Variants in CTIF observed in about 807,000 individuals in gnomAD.
The protein encoded by CTIF is CBP80/20-dependent translation initiation factor.
In CTIF, 21 loss-of-function variants were observed where a neutral mutation model predicts 66.0. The ratio of observed to expected loss-of-function variants is 0.32; its 90% CI spans 0.23 to 0.46. CTIF has a LOEUF of 0.46. Ranked by LOEUF, CTIF falls within the 20% of genes least tolerant of loss-of-function variation. The pLI, the probability that CTIF is intolerant of heterozygous loss-of-function variation, is 1.00. For missense variants in CTIF, 739 were observed against 812.7 expected (o/e 0.91, Z 1.10); for synonymous variants, 345 against 326.4 (o/e 1.06, Z -0.62).
chr18:48,785,411 G>A (rs112127352), intron 9 of CTIF, among the ~76,000 whole-genome samples: 163 of 152,282 alleles, frequency 1.1e-3, no homozygotes, highest in African/African-American at 3.3e-3. Flanking sequence ...CCACCACTGC[G>A]GCCTGCACTG....
intron 1 of CTIF, chr18:48,565,358 G>C (rs1442975260): frequency 3.3e-5 from 5 of 152,140 alleles, no homozygotes; most frequent in African/African-American, 1.2e-4. Flanking sequence ...GTGTGCTGTA[G>C]CCTTAAATAA....
chr18:48,850,466 G>A (rs554046522), intron 10 of CTIF, among the ~76,000 whole-genome samples: 3 of 152,302 alleles, frequency 2.0e-5, no homozygotes, highest in South Asian at 4.1e-4. Context: ...GCAGGGATTC[G>A]TTTATCCCCA....
chr18:48,691,623 C>T (rs1403459761), intron 6 of CTIF, among the ~76,000 whole-genome samples: 2 of 152,144 alleles, frequency 1.3e-5, no homozygotes, highest in Non-Finnish European at 2.9e-5. Flanking sequence ...GTCCCCAGTC[C>T]TTGTCTGGTC....
intron 5 of CTIF, 23 bp from the exon 6 acceptor site, chr18:48,670,646 C>A (rs774027223): frequency 1.9e-6 from 3 of 1,609,000 alleles, no homozygotes; most frequent in East Asian, 2.2e-5. Flanking sequence ...CTTTCCAATG[C>A]CTTTCTGTCT....
intron 6 of CTIF, among the ~76,000 whole-genome samples, chr18:48,677,152 A>T (rs924424591): frequency 6.6e-6 from 1 of 152,134 alleles, no homozygotes; most frequent in African/African-American, 2.4e-5. Context: ...AGGACATGCT[A>T]ACTCACAGGC....
At chr18:48,789,665 A>C (rs955604364) in intron 9 of CTIF, among the ~76,000 whole-genome samples, 11 of 152,238 alleles carry the variant, frequency 7.2e-5, no homozygotes, top group Non-Finnish European at 1.5e-4. Context: ...AACAGTCTCA[A>C]ATCAAGATGC....
intron 10 of CTIF, among the ~76,000 whole-genome samples, chr18:48,853,474 G>A (rs998547378): frequency 1.3e-5 from 2 of 152,178 alleles, no homozygotes; most frequent in Non-Finnish European, 2.9e-5. Flanking sequence ...TGCCTGTCAC[G>A]TGTGCAGCCC....
In CTIF at chr18:48,821,542, A is replaced by G. The variant is rs561322996; in HGVS notation, c.1527+4166A>G. ...TCTTGGTGCATAACTCAGCACCTAT[A>G]TGGTAGGATCCCAGTAGATCTTGGT... On this transcript the variant is annotated intron_variant, in intron 10 of 11. Coordinates refer to ENST00000256413, the MANE Select transcript of CTIF (RefSeq NM_014772.3). Among the ~76,000 whole-genome samples the G allele has an allele frequency of 1.2e-4, 19 of 152,348 alleles. 1 individual carries two copies. Among genetic ancestry groups the G allele is most frequent in the Middle Eastern group, 3.4e-3 (1 of 294 alleles).
In CTIF at chr18:48,776,053, T is replaced by C. The variant is rs528960116; in HGVS notation, c.1371+14364T>C. On this transcript the variant is annotated intron_variant, in intron 9 of 11. Transcript: ENST00000256413. The stretch of plus-strand genomic sequence containing the variant: ...TGAGTTTCCTGCCAGCCTTGGGCCG[T>C]CTTTTGCAGGTGGCAGAGTGGGCTG... Among the ~76,000 whole-genome samples the C allele has an allele frequency of 1.7e-4, 26 of 152,316 alleles. No individual in the cohort carries two copies. The East Asian group carries it at 1.7e-3, about 10-fold the overall frequency.
At chr18:48,739,606 CTGAG>C (rs2092537209) in intron 7 of CTIF, among the ~76,000 whole-genome samples, 1 of 152,218 alleles carries the variant, frequency 6.6e-6, no homozygotes, top group African/African-American at 2.4e-5. Context: ...GCAGTGGAGA[CTGAG>C]TGAGCCTGTG....
intron 3 of CTIF, among the ~76,000 whole-genome samples, chr18:48,644,313 T>G (rs1404675451): frequency 6.6e-6 from 1 of 152,194 alleles, no homozygotes; most frequent in African/African-American, 2.4e-5. Context: ...GGTGGCTGTT[T>G]GCATGGAGGG....
At chr18:48,752,931 C>G (rs963656984) in intron 7 of CTIF, among the ~76,000 whole-genome samples, 3 of 152,208 alleles carry the variant, frequency 2.0e-5, no homozygotes, top group African/African-American at 7.2e-5. Context: ...TTTAAGCTTC[C>G]CCATCATTCT....
intron 10 of CTIF, among the ~76,000 whole-genome samples, chr18:48,827,915 C>T (rs2068615833): frequency 6.6e-6 from 1 of 152,114 alleles, no homozygotes; most frequent in African/African-American, 2.4e-5. Context: ...CCCAAACATA[C>T]ACACATAAAC....
At position 48,649,030 on chromosome 18, in the gene CTIF, G is replaced by T. The variant is rs1319004059; in HGVS notation, c.252+12345G>T. Among the ~76,000 whole-genome samples, 3 of 152,212 alleles carry T rather than the reference G, an allele frequency of 2.0e-5. No individual in the cohort carries two copies. The East Asian group carries it at 5.8e-4, about 29-fold the overall frequency. On this transcript the variant is annotated intron_variant, in intron 3 of 11. Coordinates refer to ENST00000256413, the MANE Select transcript of CTIF (RefSeq NM_014772.3). Reference sequence around the variant, plus strand: ...GAACAGCTCTGGTCTGCAGCTCCCAGCATGATTGATGCAGAAGACAGGTGA... The same window carrying T: ...GAACAGCTCTGGTCTGCAGCTCCCATCATGATTGATGCAGAAGACAGGTGA...
At chr18:48,638,353 T>A (rs923690842) in intron 3 of CTIF, among the ~76,000 whole-genome samples, 5 of 152,212 alleles carry the variant, frequency 3.3e-5, no homozygotes, top group Admixed American at 3.3e-4. Context: ...GGTTCTGGAA[T>A]GTTCCAATGA....
intron 6 of CTIF, among the ~76,000 whole-genome samples, chr18:48,694,801 A>G (rs1025783689): frequency 6.6e-6 from 1 of 152,258 alleles, no homozygotes; most frequent in Non-Finnish European, 1.5e-5. Flanking sequence ...CTCTTGTAAA[A>G]TTAACAAGTT....
At chr18:48,721,270 C>A (rs538530364) in intron 7 of CTIF, among the ~76,000 whole-genome samples, 37 of 152,330 alleles carry the variant, frequency 2.4e-4, no homozygotes, top group African/African-American at 8.2e-4. Context: ...GAGGGCTGCT[C>A]CCTGAGAAAC....
At chr18:48,818,429 G>A (rs1479809163) in intron 10 of CTIF, among the ~76,000 whole-genome samples, 1 of 152,212 alleles carries the variant, frequency 6.6e-6, no homozygotes, top group Non-Finnish European at 1.5e-5. Flanking sequence ...GAGGATACTG[G>A]ATGAGAAATA....
At chr18:48,784,484 G>T (rs116611764) in intron 9 of CTIF, among the ~76,000 whole-genome samples, 2,301 of 152,266 alleles carry the variant, frequency 0.015, 50 homozygotes, top group African/African-American at 0.053. Context: ...GCCCTACCTG[G>T]TCGGAGGGAC....
Sources: gnomAD v4.1 joint callset for allele counts (sites outside exome capture counted in the v4.1 genomes callset) on GRCh38, gnomAD v4.1.1 for gene constraint, MANE v1.5 for transcripts, NCBI Gene and HGNC (gene_info 2026-07-23, HGNC 2026-07-21) for gene names.